The following NWD2 variants were observed in gnomAD, a reference collection of about 807,000 sequenced individuals.
NWD2 encodes the protein NACHT and WD repeat domain containing 2.
In NWD2, 37 loss-of-function variants were observed where a neutral mutation model predicts 132.7. The ratio of observed to expected loss-of-function variants is 0.28; its 90% CI spans 0.21 to 0.37. The LOEUF (loss-of-function observed/expected upper bound fraction) is 0.37, where lower values mean the gene tolerates loss of function less well. Among genes scored for constraint, NWD2 ranks in the 10% least tolerant of loss-of-function variants. NWD2 has a pLI of 1.00. For missense variants in NWD2, 1,592 were observed against 2,122.4 expected, an observed-to-expected ratio of 0.75 and a Z score of 4.91; for synonymous variants, 705 against 803.0, an observed-to-expected ratio of 0.88 and a Z score of 2.06.
intron 1 of NWD2, among the ~76,000 whole-genome samples, chr4:37,307,986 A>G (rs964422995): frequency 3.9e-5 from 6 of 152,126 alleles, no homozygotes; most frequent in Non-Finnish European, 7.4e-5. Context: ...TAAATTTCTC[A>G]TTCAGATTAT....
intron 1 of NWD2, among the ~76,000 whole-genome samples, chr4:37,301,922 T>G (rs1469769297): frequency 6.6e-6 from 1 of 152,094 alleles, no homozygotes; most frequent in African/African-American, 2.4e-5. Context: ...TTAGAAAGTG[T>G]AATGACTGAA....
At chr4:37,380,160 A>G (rs1357723855) in intron 3 of NWD2, among the ~76,000 whole-genome samples, 1 of 152,266 alleles carries the variant, frequency 6.6e-6, no homozygotes, top group Non-Finnish European at 1.5e-5. Flanking sequence ...CAGATGAAAA[A>G]TAAACGTTCA....
At chr4:37,359,195 G>A (rs1958) in intron 3 of NWD2, among the ~76,000 whole-genome samples, 55,151 of 151,958 alleles carry the variant, frequency 0.36, 10,832 homozygotes, top group Admixed American at 0.51. Flanking sequence ...CAGGTTATGA[G>A]AGCAAAGGTT....
chr4:37,399,886 C>T (rs1266652919), intron 3 of NWD2, among the ~76,000 whole-genome samples: 4 of 152,128 alleles, frequency 2.6e-5, no homozygotes, highest in African/African-American at 7.2e-5. Flanking sequence ...GGGAGAGGCC[C>T]GGTGTTTTAA....
intron 2 of NWD2, among the ~76,000 whole-genome samples, chr4:37,326,615 A>G (rs983029426): frequency 6.6e-6 from 1 of 152,204 alleles, no homozygotes; most frequent in Admixed American, 6.5e-5. Context: ...GTGCCATCTA[A>G]CGGTAAAGTG....
rs543470224 is a variant in NWD2 at position 37,260,458 on chromosome 4, T to G, written c.151+15240T>G. Among the ~76,000 whole-genome samples the G allele has an allele frequency of 2.6e-5, 4 of 152,336 alleles. No homozygotes were observed. In the East Asian group the frequency reaches 7.7e-4, roughly 29 times the overall value. The stretch of plus-strand genomic sequence containing the variant: ...GGAAAATGTGGGCTCTAGCTCTTTC[T>G]TCCTAACTTTGTGAGTGCATCTACT... On this transcript the variant is annotated intron_variant, in intron 1 of 6. Coordinates refer to ENST00000309447, the MANE Select transcript of NWD2 (RefSeq NM_001144990.2).
intron 6 of NWD2, among the ~76,000 whole-genome samples, chr4:37,442,565 T>G (rs1203537260): frequency 6.6e-6 from 1 of 152,178 alleles, no homozygotes; most frequent in Non-Finnish European, 1.5e-5. Flanking sequence ...TTCAGAGAGA[T>G]AATGTGAGGA....
chr4:37,324,842 G>A (rs1719138339), intron 1 of NWD2, among the ~76,000 whole-genome samples: 1 of 152,114 alleles, frequency 6.6e-6, no homozygotes, highest in South Asian at 2.1e-4. Flanking sequence ...GAGAACAGTA[G>A]GAAAATAGAG....
At chr4:37,311,789 T>G (rs1483277388) in intron 1 of NWD2, among the ~76,000 whole-genome samples, 1 of 149,408 alleles carries the variant, frequency 6.7e-6, no homozygotes, top group African/African-American at 2.6e-5. Context: ...TTAATCCATC[T>G]TGAATTAATT....
chr4:37,261,611 TAA>T (rs1470961305), intron 1 of NWD2, among the ~76,000 whole-genome samples: 4 of 152,188 alleles, frequency 2.6e-5, no homozygotes, highest in Non-Finnish European at 1.5e-5. Flanking sequence ...TTAACTATGT[TAA>T]ATAACTATGT....
intron 3 of NWD2, among the ~76,000 whole-genome samples, chr4:37,396,735 G>C (rs1221322540): frequency 6.6e-6 from 1 of 152,088 alleles, no homozygotes; most frequent in Non-Finnish European, 1.5e-5. Context: ...TCTGAGGAAA[G>C]TAAAAAGCAA....
At chr4:37,302,277 C>T (rs185972023) in intron 1 of NWD2, among the ~76,000 whole-genome samples, 190 of 152,004 alleles carry the variant, frequency 1.2e-3, no homozygotes, top group Middle Eastern at 3.4e-3. Flanking sequence ...CATGTTGCCA[C>T]GAATGACAGA....
chr4:37,345,701 T>A (rs1719620851), intron 2 of NWD2, among the ~76,000 whole-genome samples: 1 of 152,180 alleles, frequency 6.6e-6, no homozygotes, highest in Non-Finnish European at 1.5e-5. Flanking sequence ...TTAAAAAAAT[T>A]TTAAGTAGGT....
chr4:37,431,243 A>G (rs1712170914), intron 4 of NWD2, among the ~76,000 whole-genome samples: 1 of 152,242 alleles, frequency 6.6e-6, no homozygotes. Context: ...ATATGGAAAC[A>G]GTCTAAGTGT....
intron 1 of NWD2, among the ~76,000 whole-genome samples, chr4:37,262,707 T>C (rs570390107): frequency 2.6e-4 from 39 of 152,228 alleles, no homozygotes; most frequent in African/African-American, 6.7e-4. Context: ...ATTGGATCTA[T>C]AGAGGAGCAC....
At chr4:37,259,161 T>A (rs1033803313) in intron 1 of NWD2, among the ~76,000 whole-genome samples, 1 of 152,210 alleles carries the variant, frequency 6.6e-6, no homozygotes, top group African/African-American at 2.4e-5. Flanking sequence ...GTTTATGAGC[T>A]GTGTAACCTG....
At position 37,445,652 on chromosome 4, in the gene NWD2, G is replaced by A. The variant is rs1712613665; in HGVS notation, c.3664G>A (p.Val1222Met). The A allele has an allele frequency of 6.4e-7, 1 of 1,552,266 alleles. No individual in the cohort carries two copies. Among genetic ancestry groups the A allele is most frequent in the South Asian group, 1.2e-5 (1 of 84,062 alleles). Reference sequence around the variant, plus strand: ...GCTCTTAGATACTGGTCTGTGGAAGGTGGCTGAAAAGTTCAGAGCCAAGCA... The same window carrying A: ...GCTCTTAGATACTGGTCTGTGGAAGATGGCTGAAAAGTTCAGAGCCAAGCA... ...IELLDTGLWK[V>M]AEKFRAKHNE... is the part of the protein sequence containing the mutation. The change falls in exon 7 of 7, where the codon GTG becomes ATG. Residue 1222 changes from valine to methionine, a missense_variant. Physicochemically the swap from Val to Met is conservative, Grantham distance 21. Coordinates refer to ENST00000309447, the MANE Select transcript of NWD2 (RefSeq NM_001144990.2). The surrounding 1 kb of genome is among the most constrained non-coding windows in gnomAD (Gnocchi z 4.7).
rs1222914702 is a variant in NWD2, at chr4:37,438,147, G to A, written c.707-654G>A. 3.3e-5 allele frequency among the ~76,000 whole-genome samples: 5 copies of A among 152,088 alleles called. No individual in the cohort carries two copies. The East Asian group carries it at 9.7e-4, about 29-fold the overall frequency. Reference sequence around the variant, plus strand: ...ATGGTGGCGGGTGCCTGTAGTCCCAGCTACTTGGGAGGCTGAGGCAGGAGA... The same window carrying A: ...ATGGTGGCGGGTGCCTGTAGTCCCAACTACTTGGGAGGCTGAGGCAGGAGA... On this transcript the variant is annotated intron_variant, in intron 5 of 6. Transcript: ENST00000309447.
intron 2 of NWD2, among the ~76,000 whole-genome samples, chr4:37,335,918 A>G (rs1426151055): frequency 6.6e-6 from 1 of 150,714 alleles, no homozygotes; most frequent in Admixed American, 6.7e-5. Context: ...TAAATGACTA[A>G]GACCCAGAAG....
Sources: allele counts gnomAD v4.1 joint callset (sites outside exome capture counted in the v4.1 genomes callset), GRCh38; gene constraint gnomAD v4.1.1; non-coding constraint Gnocchi (gnomAD v3.1); transcripts MANE v1.5; gene names NCBI Gene and HGNC (gene_info 2026-07-23, HGNC 2026-07-21).